HECW1: variants seen among roughly 807,000 people sequenced by gnomAD.
HECW1 encodes E3 ubiquitin-protein ligase HECW1.
Under a neutral mutation model 182.3 loss-of-function variants are expected in HECW1, and 61 were observed. The ratio of observed to expected loss-of-function variants is 0.33; its 90% CI spans 0.27 to 0.41. The LOEUF (loss-of-function observed/expected upper bound fraction) is 0.41. Ranked by LOEUF, HECW1 falls within the 10% of genes least tolerant of loss-of-function variation. The pLI, the probability that HECW1 is intolerant of heterozygous loss-of-function variation, is 1.00. For missense variants in HECW1, 1,739 were observed against 2,108.9 expected, an observed-to-expected ratio of 0.82 and a Z score of 3.44; for synonymous variants, 859 against 832.6, an observed-to-expected ratio of 1.03 and a Z score of -0.55.
At chr7:43,278,801 G>A (rs901654318) in intron 3 of HECW1, among the ~76,000 whole-genome samples, 8 of 151,874 alleles carry the variant, frequency 5.3e-5, no homozygotes, top group South Asian at 2.1e-4. Context: ...CCTGACCACC[G>A]CATTTACAAT....
intron 11 of HECW1, among the ~76,000 whole-genome samples, 164 bp downstream of exon 11, chr7:43,445,734 G>A (rs2077035454): frequency 6.6e-6 from 1 of 152,366 alleles, no homozygotes; most frequent in East Asian, 1.9e-4. Context: ...ATCTGTGTAT[G>A]AGCATAGATG....
At chr7:43,249,582 G>A (rs1272978833) in intron 3 of HECW1, 1 of 152,256 alleles carries the variant, frequency 6.6e-6, no homozygotes, top group African/African-American at 2.4e-5. Flanking sequence ...GAGACCGGGA[G>A]AGGAATGAGA....
intron 3 of HECW1, among the ~76,000 whole-genome samples, chr7:43,300,085 C>T (rs1806541843): frequency 6.6e-6 from 1 of 152,234 alleles, no homozygotes; most frequent in Non-Finnish European, 1.5e-5. Flanking sequence ...TTTCTTCTAT[C>T]AATGTTGAGA....
intron 2 of HECW1, among the ~76,000 whole-genome samples, chr7:43,209,705 G>T (rs1055748760): frequency 2.0e-5 from 3 of 152,194 alleles, no homozygotes. Flanking sequence ...TTCCACAAGT[G>T]CTGGGAAGGA....
intron 16 of HECW1, among the ~76,000 whole-genome samples, chr7:43,475,879 T>C (rs969215703): frequency 3.3e-5 from 5 of 152,198 alleles, no homozygotes; most frequent in Non-Finnish European, 7.3e-5. Flanking sequence ...AAACAAATAC[T>C]CTTGGTAAAC....
At chr7:43,487,416 T>A (rs766558904) in intron 17 of HECW1, among the ~76,000 whole-genome samples, 2 of 152,202 alleles carry the variant, frequency 1.3e-5, no homozygotes, top group Non-Finnish European at 2.9e-5. Flanking sequence ...AAAGAAATCC[T>A]AAAAGTAGTC....
chr7:43,203,614 T>C (rs893096747), intron 2 of HECW1, among the ~76,000 whole-genome samples: 1 of 152,122 alleles, frequency 6.6e-6, no homozygotes, highest in African/African-American at 2.4e-5. Context: ...CCTGCCACCA[T>C]ACCCGGCTAA....
chr7:43,277,077 C>T (rs925472735), intron 3 of HECW1, among the ~76,000 whole-genome samples: 1 of 152,188 alleles, frequency 6.6e-6, no homozygotes, highest in Non-Finnish European at 1.5e-5. Flanking sequence ...TCTAGTCCTC[C>T]TCTTCTTTCT....
intron 3 of HECW1, among the ~76,000 whole-genome samples, chr7:43,273,857 C>T (rs1434416289): frequency 4.9e-5 from 7 of 141,416 alleles, no homozygotes; most frequent in African/African-American, 1.9e-4. Context: ...AAATATGATT[C>T]TTTTTTTTTT....
At chr7:43,130,240 T>C (rs967681175) in intron 2 of HECW1, among the ~76,000 whole-genome samples, 16 of 152,230 alleles carry the variant, frequency 1.1e-4, no homozygotes, top group African/African-American at 3.9e-4. Flanking sequence ...CTTACCAAAA[T>C]GCTTGGGCCT....
intron 2 of HECW1, among the ~76,000 whole-genome samples, chr7:43,117,602 C>T (rs1478304961): frequency 1.3e-5 from 2 of 152,174 alleles, no homozygotes; most frequent in Admixed American, 1.3e-4. Flanking sequence ...CTTTTTCTCA[C>T]AGACTTTCTG....
intron 2 of HECW1, among the ~76,000 whole-genome samples, chr7:43,127,366 A>G (rs756365859): frequency 2.6e-5 from 4 of 152,054 alleles, no homozygotes; most frequent in Non-Finnish European, 5.9e-5. Flanking sequence ...TCTACTAAAA[A>G]TACAAAATTA....
At chr7:43,451,581 ATT>A (rs2152884841) in intron 12 of HECW1, among the ~76,000 whole-genome samples, 1 of 152,308 alleles carries the variant, frequency 6.6e-6, no homozygotes, top group African/African-American at 2.4e-5. Context: ...TAGTTTTCTC[ATT>A]TGTAAAATTT....
chr7:43,190,842 T>C (rs1018825879), intron 2 of HECW1, among the ~76,000 whole-genome samples: 5 of 152,232 alleles, frequency 3.3e-5, no homozygotes, highest in Admixed American at 2.0e-4. Context: ...CTCCCTGATT[T>C]AGACCCAGTC....
chr7:43,333,639 C>G (rs1013989424), intron 5 of HECW1, among the ~76,000 whole-genome samples: 10 of 152,136 alleles, frequency 6.6e-5, no homozygotes, highest in Non-Finnish European at 1.5e-5. Context: ...AGCTGGTGCT[C>G]AGTATTCCAG....
At chr7:43,205,365 G>A (rs969364960) in intron 2 of HECW1, among the ~76,000 whole-genome samples, 2 of 152,180 alleles carry the variant, frequency 1.3e-5, no homozygotes, top group Non-Finnish European at 2.9e-5. Flanking sequence ...AATTCTTTCG[G>A]CAGCATTGAG....
intron 17 of HECW1, among the ~76,000 whole-genome samples, chr7:43,486,421 C>T (rs957964223): frequency 6.6e-6 from 1 of 152,254 alleles, no homozygotes; most frequent in Non-Finnish European, 1.5e-5. Context: ...TCTGCCTCAG[C>T]CTCCTGAGTA....
At chr7:43,448,866 C>A (rs11764255) in intron 11 of HECW1, among the ~76,000 whole-genome samples, 20,784 of 152,178 alleles carry the variant, frequency 0.14, 1,680 homozygotes, top group Middle Eastern at 0.22. Flanking sequence ...GAGGTTCTGG[C>A]GGGTTTCAAC....
intron 2 of HECW1, among the ~76,000 whole-genome samples, chr7:43,141,017 C>T (rs556893278): frequency 6.4e-4 from 98 of 152,344 alleles, no homozygotes; most frequent in African/African-American, 2.3e-3. Flanking sequence ...TCCCTAGAAG[C>T]TCTGTGTCTT....
Sources: gnomAD v4.1 joint callset for allele counts (sites outside exome capture counted in the v4.1 genomes callset) on GRCh38, gnomAD v4.1.1 for gene constraint, MANE v1.5 for transcripts, NCBI Gene and HGNC (gene_info 2026-07-23, HGNC 2026-07-21) for gene names.